GALNT13: variants seen among roughly 807,000 people sequenced by gnomAD.
The protein encoded by GALNT13 is UDP-GalNAc:polypeptide N-acetylgalactosaminyltransferase 13.
In GALNT13, 28 loss-of-function variants were observed where a neutral mutation model predicts 64.2. The observed-to-expected ratio is 0.44, with a 90% CI of 0.32 to 0.60. The LOEUF (loss-of-function observed/expected upper bound fraction) is 0.60. Ranked by LOEUF, GALNT13 falls within the 20% of genes least tolerant of loss-of-function variation. The pLI, the probability that GALNT13 is intolerant of heterozygous loss-of-function variation, is 0.05. For synonymous variants in GALNT13, 214 were observed against 224.6 expected, an observed-to-expected ratio of 0.95 and a Z score of 0.42; for missense variants, 577 against 669.8, an observed-to-expected ratio of 0.86 and a Z score of 1.53.
chr2:154,153,566 A>G (rs991312155), intron 4 of GALNT13, among the ~76,000 whole-genome samples: 1 of 152,166 alleles, frequency 6.6e-6, no homozygotes, highest in Non-Finnish European at 1.5e-5. Context: ...GGCCTCCTTG[A>G]GCTGTGGTGG....
the GALNT13 span, among the ~76,000 whole-genome samples, chr2:153,659,710 C>G: frequency 6.6e-6 from 1 of 152,096 alleles, no homozygotes; most frequent in Non-Finnish European, 1.5e-5. Flanking sequence ...CATATCCCTG[C>G]AAAGACAATG....
chr2:153,118,545 T>A, the GALNT13 span, among the ~76,000 whole-genome samples: 1 of 152,196 alleles, frequency 6.6e-6, no homozygotes, highest in African/African-American at 2.4e-5. Flanking sequence ...GCCTTTTTTT[T>A]ACTAGGCTGT....
chr2:153,706,280 C>T, the GALNT13 span, among the ~76,000 whole-genome samples: 2 of 152,134 alleles, frequency 1.3e-5, no homozygotes, highest in African/African-American at 4.8e-5. Flanking sequence ...CAGACGTGAG[C>T]TACTGCACCC....
the GALNT13 span, among the ~76,000 whole-genome samples, chr2:153,447,900 G>T: frequency 6.6e-6 from 1 of 152,146 alleles, no homozygotes; most frequent in Non-Finnish European, 1.5e-5. Context: ...TGGCAAGGCA[G>T]TGTTCTAGGA....
At chr2:153,902,860 T>C (rs1320525411) in intron 2 of GALNT13, among the ~76,000 whole-genome samples, 7 of 152,086 alleles carry the variant, frequency 4.6e-5, no homozygotes, top group African/African-American at 1.7e-4. Flanking sequence ...AAGTAAAACA[T>C]ACCATGCCTG....
At chr2:153,882,575 A>G (rs1296984756) in intron 1 of GALNT13, among the ~76,000 whole-genome samples, 2 of 151,852 alleles carry the variant, frequency 1.3e-5, no homozygotes, top group African/African-American at 2.4e-5. Context: ...CTTTTAGTCA[A>G]CAAGACCCAC....
At chr2:154,189,745 T>C (rs1214621602) in intron 4 of GALNT13, among the ~76,000 whole-genome samples, 2 of 152,094 alleles carry the variant, frequency 1.3e-5, no homozygotes, top group Non-Finnish European at 2.9e-5. Context: ...CCAATAAATA[T>C]GTCACTAACC....
chr2:153,779,289 GTAAT>G, the GALNT13 span, among the ~76,000 whole-genome samples: 1 of 152,098 alleles, frequency 6.6e-6, no homozygotes, highest in Non-Finnish European at 1.5e-5. Flanking sequence ...ATGCTAGTAA[GTAAT>G]TAAAGTGTGG....
intron 11 of GALNT13, among the ~76,000 whole-genome samples, chr2:154,414,164 T>C (rs1699907320): frequency 6.6e-6 from 1 of 152,060 alleles, no homozygotes; most frequent in African/African-American, 2.4e-5. Context: ...AATCAAAGGT[T>C]ATGCAAAATT....
chr2:153,214,301 G>A, the GALNT13 span, among the ~76,000 whole-genome samples: 3 of 152,040 alleles, frequency 2.0e-5, no homozygotes, highest in South Asian at 2.1e-4. Context: ...TGCCTTGTTA[G>A]GACAGCTGAC....
chr2:153,129,985 T>C, the GALNT13 span, among the ~76,000 whole-genome samples: 1 of 152,198 alleles, frequency 6.6e-6, no homozygotes, highest in African/African-American at 2.4e-5. Flanking sequence ...GCTGTGAGGA[T>C]GACAGGCCTT....
the GALNT13 span, among the ~76,000 whole-genome samples, chr2:153,303,591 T>C: frequency 6.6e-6 from 1 of 152,200 alleles, no homozygotes; most frequent in African/African-American, 2.4e-5. Flanking sequence ...CTATGTTGAA[T>C]AGAAGTGGTA....
the GALNT13 span, among the ~76,000 whole-genome samples, chr2:153,132,278 A>C: frequency 6.6e-6 from 1 of 152,214 alleles, no homozygotes; most frequent in African/African-American, 2.4e-5. Flanking sequence ...GCAAGAGAAA[A>C]ACCCAGTTGC....
At chr2:153,659,326 G>A in the GALNT13 span, among the ~76,000 whole-genome samples, 2 of 152,000 alleles carry the variant, frequency 1.3e-5, no homozygotes, top group African/African-American at 2.4e-5. Context: ...CTTGAGATTA[G>A]ATTTCACTTC....
At chr2:153,944,758 C>A in intron 3 of GALNT13, 119 bp downstream of exon 3, 1 of 794,714 alleles carries the variant, frequency 1.3e-6, no homozygotes, top group South Asian at 2.0e-5. Flanking sequence ...AGCATTTTGG[C>A]AGCACTATTA....
At chr2:153,886,614 A>G (rs1687197978) in intron 1 of GALNT13, among the ~76,000 whole-genome samples, 2 of 152,048 alleles carry the variant, frequency 1.3e-5, no homozygotes. Context: ...AGGAAGAGGC[A>G]CTTTTTAAAG....
chr2:153,388,473 T>C, the GALNT13 span, among the ~76,000 whole-genome samples: 2 of 152,022 alleles, frequency 1.3e-5, no homozygotes, highest in Admixed American at 1.3e-4. Flanking sequence ...GGCTAAAGCA[T>C]TTAGTTTGGT....
At chr2:154,180,450 T>A (rs1004469550) in intron 4 of GALNT13, among the ~76,000 whole-genome samples, 1 of 152,088 alleles carries the variant, frequency 6.6e-6, no homozygotes, top group Non-Finnish European at 1.5e-5. Context: ...CAAATATTGC[T>A]GTTTAAATTT....
chr2:153,799,441 T>C, the GALNT13 span, among the ~76,000 whole-genome samples: 1 of 152,150 alleles, frequency 6.6e-6, no homozygotes, highest in Non-Finnish European at 1.5e-5. Flanking sequence ...ATAGTGTTTG[T>C]ATATGCTAAT....
Sources: gnomAD v4.1 joint callset for allele counts (sites outside exome capture counted in the v4.1 genomes callset) on GRCh38, gnomAD v4.1.1 for gene constraint, MANE v1.5 for transcripts, NCBI Gene and HGNC (gene_info 2026-07-23, HGNC 2026-07-21) for gene names.